The following PDE4B variants were observed in gnomAD, a reference collection of about 807,000 sequenced individuals.
PDE4B encodes the protein 3',5'-cyclic-AMP phosphodiesterase 4B.
Under a neutral mutation model 82.2 loss-of-function variants are expected in PDE4B, and 20 were observed. The ratio of observed to expected loss-of-function variants is 0.24; its 90% CI spans 0.17 to 0.35. The LOEUF (loss-of-function observed/expected upper bound fraction) is 0.35, where lower values mean the gene tolerates loss of function less well. Ranked by LOEUF, PDE4B falls within the 10% of genes least tolerant of loss-of-function variation. The pLI, the probability that PDE4B is intolerant of heterozygous loss-of-function variation, is 1.00. For synonymous variants in PDE4B, 320 were observed against 318.9 expected (o/e 1.00, Z -0.04); for missense variants, 655 against 907.2 (o/e 0.72, Z 3.57).
chr1:66,023,200 A>G (rs1364682540), intron 3 of PDE4B, among the ~76,000 whole-genome samples: 1 of 152,156 alleles, frequency 6.6e-6, no homozygotes, highest in Non-Finnish European at 1.5e-5. Context: ...GTGGATCTAA[A>G]AGGTAGTTAA....
chr1:65,955,245 A>C (rs531036928), intron 3 of PDE4B, among the ~76,000 whole-genome samples: 15 of 152,230 alleles, frequency 9.9e-5, no homozygotes, highest in African/African-American at 3.1e-4. Flanking sequence ...ACAGTCCCGT[A>C]AACCTTCAGG....
intron 3 of PDE4B, among the ~76,000 whole-genome samples, chr1:65,940,857 A>G (rs1042798367): frequency 6.6e-6 from 1 of 152,110 alleles, no homozygotes; most frequent in African/African-American, 2.4e-5. Flanking sequence ...CAGATGAGAG[A>G]GAGAATAAAT....
At chr1:66,025,924 ATTTAGTT>A (rs1293060760) in intron 3 of PDE4B, among the ~76,000 whole-genome samples, 1 of 152,198 alleles carries the variant, frequency 6.6e-6, no homozygotes, top group Non-Finnish European at 1.5e-5. Context: ...CATTTTCATA[ATTTAGTT>A]TTTAGTTTCA....
intron 3 of PDE4B, among the ~76,000 whole-genome samples, chr1:66,014,933 A>T (rs1481630472): frequency 6.6e-6 from 1 of 152,174 alleles, no homozygotes; most frequent in Non-Finnish European, 1.5e-5. Context: ...GTTATGTTGT[A>T]GGACTGGAAA....
At chr1:66,201,792 A>G (rs1045055403) in intron 3 of PDE4B, among the ~76,000 whole-genome samples, 3 of 151,782 alleles carry the variant, frequency 2.0e-5, no homozygotes, top group Non-Finnish European at 4.4e-5. Context: ...CTTTCAAAAA[A>G]CCAGCTCCTG....
Position 65,989,231 on chromosome 1 carries a change from T to C in PDE4B, c.281+70396T>C, listed in dbSNP as rs887452628. Among the ~76,000 whole-genome samples, 71 of 152,172 alleles carry C rather than the reference T, an allele frequency of 4.7e-4. 1 individual carries two copies. The highest frequency in any genetic ancestry group is 7.3e-5 in the Non-Finnish European group (5 of 68,028). ...TAAAACTGAGACAGGCTGGGCACGG[T>C]GGCTTGCACCTGTAATCTCAGTACT... On this transcript the variant is annotated intron_variant, in intron 3 of 16. Coordinates refer to ENST00000341517, the MANE Select transcript of PDE4B (RefSeq NM_002600.4).
intron 8 of PDE4B, among the ~76,000 whole-genome samples, chr1:66,339,013 C>A (rs1405165701): frequency 3.9e-5 from 5 of 129,674 alleles, no homozygotes; most frequent in Non-Finnish European, 7.7e-5. Flanking sequence ...AGCGAGACTC[C>A]GTCTCAAAAA....
chr1:66,160,690 G>A (rs599235), intron 3 of PDE4B, among the ~76,000 whole-genome samples: 37,943 of 152,076 alleles, frequency 0.25, 5,193 homozygotes, highest in Non-Finnish European at 0.31. Context: ...CCTCACACAC[G>A]TCCTTGCTTG....
chr1:66,184,470 A>C (rs1367671920), intron 3 of PDE4B, among the ~76,000 whole-genome samples: 3 of 152,182 alleles, frequency 2.0e-5, no homozygotes, highest in Non-Finnish European at 2.9e-5. Flanking sequence ...GCAAAGAAAA[A>C]TTTTACCAAA....
At chr1:66,150,405 A>C (rs1231710919) in intron 3 of PDE4B, among the ~76,000 whole-genome samples, 1 of 152,154 alleles carries the variant, frequency 6.6e-6, no homozygotes, top group Non-Finnish European at 1.5e-5. Context: ...AACCTTACTG[A>C]AGTCATTTAT....
At chr1:65,876,619 C>T (rs1359179574) in intron 1 of PDE4B, among the ~76,000 whole-genome samples, 2 of 151,706 alleles carry the variant, frequency 1.3e-5, no homozygotes, top group African/African-American at 4.8e-5. Flanking sequence ...CCAGAGTTCC[C>T]CAAATATATG....
At chr1:66,014,568 GA>G (rs1047431118) in intron 3 of PDE4B, among the ~76,000 whole-genome samples, 2 of 152,014 alleles carry the variant, frequency 1.3e-5, no homozygotes, top group African/African-American at 4.8e-5. Context: ...ATTTGTTAAA[GA>G]AAAAAACCAT....
chr1:65,972,229 TGTTTTGGGA>T (rs1415367831), intron 3 of PDE4B, among the ~76,000 whole-genome samples: 2 of 152,188 alleles, frequency 1.3e-5, no homozygotes, highest in Non-Finnish European at 2.9e-5. Context: ...GATAGCCAGT[TGTTTTGGGA>T]ATCAGTTTGC....
intron 3 of PDE4B, among the ~76,000 whole-genome samples, chr1:66,176,554 G>A (rs1027438218): frequency 2.0e-5 from 3 of 152,184 alleles, no homozygotes; most frequent in Admixed American, 6.6e-5. Flanking sequence ...GCAGATTATA[G>A]CACAGATGAA....
At chr1:65,990,549 G>C (rs781520463) in intron 3 of PDE4B, among the ~76,000 whole-genome samples, 1 of 152,042 alleles carries the variant, frequency 6.6e-6, no homozygotes, top group South Asian at 2.1e-4. Flanking sequence ...CAAATAATAG[G>C]TAGCTTATAG....
At chr1:66,336,304 C>G (rs1660511669) in intron 8 of PDE4B, among the ~76,000 whole-genome samples, 1 of 152,160 alleles carries the variant, frequency 6.6e-6, no homozygotes, top group African/African-American at 2.4e-5. Flanking sequence ...CCAGAACAAT[C>G]CCAGGGAGGC....
chr1:65,846,028 A>C (rs996639123), intron 1 of PDE4B, among the ~76,000 whole-genome samples: 1 of 152,180 alleles, frequency 6.6e-6, no homozygotes, highest in Non-Finnish European at 1.5e-5. Flanking sequence ...TCAATTTTTC[A>C]GAAGAGGGTC....
intron 1 of PDE4B, among the ~76,000 whole-genome samples, chr1:65,872,847 A>G (rs1646589699): frequency 6.6e-6 from 1 of 152,216 alleles, no homozygotes; most frequent in Non-Finnish European, 1.5e-5. Context: ...CACAACTTCC[A>G]TGTGAGGAAA....
chr1:66,305,583 C>T (rs1658213717), intron 7 of PDE4B, among the ~76,000 whole-genome samples: 1 of 151,990 alleles, frequency 6.6e-6, no homozygotes, highest in Non-Finnish European at 1.5e-5. Flanking sequence ...AAAGGTGGAC[C>T]AGGGTGATTT....
Sources: allele counts gnomAD v4.1 joint callset (sites outside exome capture counted in the v4.1 genomes callset), GRCh38; gene constraint gnomAD v4.1.1; transcripts MANE v1.5; gene names NCBI Gene and HGNC (gene_info 2026-07-23, HGNC 2026-07-21).